ZNF609: variants seen among roughly 807,000 people sequenced by gnomAD.
ZNF609 encodes zinc finger protein 609.
Under a neutral mutation model 109.5 loss-of-function variants are expected in ZNF609, and 11 were observed. That is an observed-to-expected ratio of 0.10 (90% CI 0.06 to 0.17). The LOEUF is 0.17. Ranked by LOEUF, ZNF609 falls within the 10% of genes least tolerant of loss-of-function variation. ZNF609 has a pLI of 1.00. For synonymous variants in ZNF609, 646 were observed against 662.0 expected, an observed-to-expected ratio of 0.98 and a Z score of 0.37; for missense variants, 1,559 against 1,772.4, an observed-to-expected ratio of 0.88 and a Z score of 2.16.
rs761408405 is a variant in ZNF609, at chr15:64,678,206, C to T, written c.3493C>T (p.Arg1165Cys). Reference protein sequence around the residue: ...EDERWKEERDRKLKEERSRSK... With the variant: ...EDERWKEERDCKLKEERSRSK... Reference sequence around the variant, plus strand: ...TGAGCGGTGGAAGGAGGAGCGGGACCGCAAATTGAAGGAGGAAAGGAGTCG... The same window carrying T: ...TGAGCGGTGGAAGGAGGAGCGGGACTGCAAATTGAAGGAGGAAAGGAGTCG... The change falls in exon 6 of 10, where the codon CGC becomes TGC. Residue 1165 changes from arginine to cysteine, a missense_variant. By Grantham distance (180) the Arg-to-Cys change is radical. Coordinates refer to ENST00000326648, the MANE Select transcript of ZNF609 (RefSeq NM_015042.2). The T allele has an allele frequency of 3.3e-5, 54 of 1,613,966 alleles. No individual in the cohort carries two copies. Among genetic ancestry groups the T allele is most frequent in the Middle Eastern group, 1.6e-4 (1 of 6,084 alleles).
chr15:64,502,580 A>G (rs1419972623), intron 2 of ZNF609: 1 of 152,174 alleles, frequency 6.6e-6, no homozygotes, highest in Non-Finnish European at 1.5e-5. Flanking sequence ...GTGGTTTGGG[A>G]CGTTTCTATG....
intron 2 of ZNF609, among the ~76,000 whole-genome samples, chr15:64,505,656 C>G (rs1168539559): frequency 6.6e-6 from 1 of 152,124 alleles, no homozygotes; most frequent in African/African-American, 2.4e-5. Context: ...CATTCTTGGA[C>G]CCTACCCTAG....
intron 2 of ZNF609, among the ~76,000 whole-genome samples, chr15:64,524,563 C>CAAAAA (rs539781729): frequency 1.0e-5 from 1 of 99,954 alleles, no homozygotes; most frequent in East Asian, 3.8e-4. Flanking sequence ...GACTCCATCT[C>CAAAAA]AAAAAAAAAA....
intron 3 of ZNF609, among the ~76,000 whole-genome samples, chr15:64,644,290 C>T (rs1896300146): frequency 6.6e-6 from 1 of 151,998 alleles, no homozygotes; most frequent in Non-Finnish European, 1.5e-5. Context: ...CAAGACCAGC[C>T]TGGTCAACAT....
chr15:64,642,685 T>A (rs1896279339), intron 3 of ZNF609, among the ~76,000 whole-genome samples: 1 of 152,204 alleles, frequency 6.6e-6, no homozygotes, highest in South Asian at 2.1e-4. Context: ...TCCCAGCTAC[T>A]TAGGAGGCTG....
chr15:64,477,915 C>T (rs1369467714), intron 1 of ZNF609, among the ~76,000 whole-genome samples: 2 of 152,150 alleles, frequency 1.3e-5, no homozygotes, highest in African/African-American at 4.8e-5. Context: ...TAGGCATGAG[C>T]CACTGTGCCT....
intron 2 of ZNF609, among the ~76,000 whole-genome samples, chr15:64,592,156 C>G (rs1430013850): frequency 6.6e-6 from 1 of 151,118 alleles, no homozygotes; most frequent in Non-Finnish European, 1.5e-5. Context: ...AGAGGGAAGA[C>G]CCTGCCTCAA....
At chr15:64,500,190 G>C (rs779315525) in intron 2 of ZNF609, 24 bp downstream of exon 2, 1 of 1,608,726 alleles carries the variant, frequency 6.2e-7, no homozygotes, top group Non-Finnish European at 8.5e-7. Flanking sequence ...AGATATGGCT[G>C]CCCACTGACT....
chr15:64,630,907 G>A (rs987770969), intron 3 of ZNF609, among the ~76,000 whole-genome samples: 1 of 152,154 alleles, frequency 6.6e-6, no homozygotes, highest in Non-Finnish European at 1.5e-5. Context: ...CTAACCAGTT[G>A]AGTAACTTGT....
At chr15:64,582,030 A>G (rs1360926344) in intron 2 of ZNF609, among the ~76,000 whole-genome samples, 1 of 152,072 alleles carries the variant, frequency 6.6e-6, no homozygotes, top group Non-Finnish European at 1.5e-5. Flanking sequence ...TATCTTTCCA[A>G]CATCTTTATT....
intron 2 of ZNF609, among the ~76,000 whole-genome samples, chr15:64,537,660 A>G (rs1383746351): frequency 6.6e-6 from 1 of 152,226 alleles, no homozygotes; most frequent in African/African-American, 2.4e-5. Flanking sequence ...TGGCTGGAGC[A>G]TGTGGAACAG....
At chr15:64,584,970 C>T (rs945720399) in intron 2 of ZNF609, among the ~76,000 whole-genome samples, 7 of 149,162 alleles carry the variant, frequency 4.7e-5, no homozygotes, top group African/African-American at 1.5e-4. Context: ...ACTAGACTCT[C>T]TAAGAAAAAA....
chr15:64,632,425 A>T (rs555480865), intron 3 of ZNF609, among the ~76,000 whole-genome samples: 1 of 152,210 alleles, frequency 6.6e-6, no homozygotes, highest in Non-Finnish European at 1.5e-5. Flanking sequence ...CGTGGAATTC[A>T]AATTTCAGTG....
intron 2 of ZNF609, among the ~76,000 whole-genome samples, chr15:64,539,268 C>T (rs916636295): frequency 7.3e-5 from 11 of 151,280 alleles, no homozygotes; most frequent in African/African-American, 1.2e-4. Flanking sequence ...AGTGCAGTGG[C>T]GCGATCTCGG....
rs558966183 is a variant in ZNF609 at position 64,476,093 on chromosome 15, A to G, written c.-128+15255A>G. 2.6e-5 allele frequency among the ~76,000 whole-genome samples: 4 copies of G among 152,262 alleles called. No individual in the cohort carries two copies. The South Asian group carries it at 8.3e-4, about 32-fold the overall frequency. Reference sequence around the variant, plus strand: ...AACTTGCAGCAAGGGTCTAGTGGTGATGCATGGCAGGTGGAGGTGAGATAA... The same window carrying G: ...AACTTGCAGCAAGGGTCTAGTGGTGGTGCATGGCAGGTGGAGGTGAGATAA... On this transcript the variant is annotated intron_variant, in intron 1 of 9. Transcript: ENST00000326648.
chr15:64,676,351 A>T (rs1399183360), intron 5 of ZNF609, 95 bp downstream of exon 5: 4 of 1,151,048 alleles, frequency 3.5e-6, no homozygotes, highest in Non-Finnish European at 4.9e-6. Context: ...GTTCAACGGA[A>T]TTGAGATTAG....
chr15:64,629,988 C>T (rs751129073), intron 3 of ZNF609, among the ~76,000 whole-genome samples: 5 of 151,936 alleles, frequency 3.3e-5, no homozygotes, highest in Non-Finnish European at 7.4e-5. Flanking sequence ...TTATTAAATT[C>T]GAATGTCTAA....
At chr15:64,659,860 A>G (rs1440103332) in intron 3 of ZNF609, among the ~76,000 whole-genome samples, 1 of 135,882 alleles carries the variant, frequency 7.4e-6, no homozygotes, top group African/African-American at 2.8e-5. Flanking sequence ...TTTGATACTG[A>G]GTCTTGCTTT....
intron 1 of ZNF609, among the ~76,000 whole-genome samples, chr15:64,477,966 C>G (rs771966995): frequency 6.6e-6 from 1 of 152,118 alleles, no homozygotes; most frequent in Non-Finnish European, 1.5e-5. Context: ...ATATTGGATT[C>G]AGCTTGTGGA....
Sources: allele counts gnomAD v4.1 joint callset (sites outside exome capture counted in the v4.1 genomes callset), GRCh38; gene constraint gnomAD v4.1.1; transcripts MANE v1.5; gene names NCBI Gene and HGNC (gene_info 2026-07-23, HGNC 2026-07-21).